Variants in SNX29 observed in about 807,000 individuals in gnomAD.
SNX29 encodes sorting nexin-29.
In SNX29, 78 loss-of-function variants were observed where a neutral mutation model predicts 102.1. The ratio of observed to expected loss-of-function variants is 0.76; its 90% CI spans 0.64 to 0.92. SNX29 has a LOEUF of 0.92. SNX29 is among the 40% of genes least tolerant of loss of function. The pLI is 0.00. For missense variants in SNX29, 1,280 were observed against 1,061.7 expected (o/e 1.21, Z -2.86); for synonymous variants, 580 against 414.5 (o/e 1.40, Z -4.85).
Position 12,132,009 on chromosome 16 carries a change from G to A in SNX29, c.1595+2251G>A, listed in dbSNP as rs149038764. Among the ~76,000 whole-genome samples the A allele has an allele frequency of 2.6e-3, 389 of 152,102 alleles. 1 individual carries two copies. Among genetic ancestry groups the A allele is most frequent in the Non-Finnish European group, 4.0e-3 (273 of 67,998 alleles). On this transcript the variant is annotated intron_variant, in intron 13 of 20. Transcript: ENST00000566228. ...TGCCTGGCCATGCTAGAGTTTTGCCGCATAATTGCATTTAATGTTCACAAT... is the reference window on the plus strand; with the variant it reads ...TGCCTGGCCATGCTAGAGTTTTGCCACATAATTGCATTTAATGTTCACAAT...
intron 20 of SNX29, among the ~76,000 whole-genome samples, chr16:12,526,218 T>C (rs1233590893): frequency 6.6e-6 from 1 of 152,178 alleles, no homozygotes; most frequent in African/African-American, 2.4e-5. Context: ...GTTGTTCTAA[T>C]GGTGTTGCTG....
At chr16:12,450,611 C>G (rs1157832139) in intron 18 of SNX29, among the ~76,000 whole-genome samples, 1 of 152,188 alleles carries the variant, frequency 6.6e-6, no homozygotes, top group Non-Finnish European at 1.5e-5. Context: ...AAGACGGAGG[C>G]TTCCCGGAGA....
chr16:12,358,329 G>A (rs558301559), intron 16 of SNX29, among the ~76,000 whole-genome samples: 1 of 152,260 alleles, frequency 6.6e-6, no homozygotes, highest in Admixed American at 6.5e-5. Context: ...GGCACTTTAG[G>A]CCTCAGAAGA....
At chr16:12,281,323 G>T (rs751469311) in intron 15 of SNX29, among the ~76,000 whole-genome samples, 1 of 152,192 alleles carries the variant, frequency 6.6e-6, no homozygotes, top group Non-Finnish European at 1.5e-5. Flanking sequence ...TTGAGAGCAT[G>T]AAAGCCAACT....
chr16:12,566,389 C>T (rs1598109406), intron 20 of SNX29, among the ~76,000 whole-genome samples: 1 of 147,518 alleles, frequency 6.8e-6, no homozygotes, highest in South Asian at 2.2e-4. Context: ...GCACTGGCCT[C>T]TCCCAGGCAC....
At chr16:12,459,811 T>C (rs976486167) in intron 18 of SNX29, among the ~76,000 whole-genome samples, 4 of 152,156 alleles carry the variant, frequency 2.6e-5, no homozygotes, top group Non-Finnish European at 5.9e-5. Flanking sequence ...TTGCTTTTTT[T>C]GAGATACCCT....
chr16:12,311,475 G>A (rs549122891), intron 15 of SNX29, among the ~76,000 whole-genome samples: 2 of 152,332 alleles, frequency 1.3e-5, no homozygotes, highest in African/African-American at 4.8e-5. Context: ...CTGCTGGCTG[G>A]ACTGCACCAT....
intron 16 of SNX29, among the ~76,000 whole-genome samples, chr16:12,389,018 C>T (rs1171856850): frequency 2.0e-5 from 3 of 152,194 alleles, no homozygotes; most frequent in Admixed American, 6.5e-5. Flanking sequence ...TGATATCTCT[C>T]AGTGCTATTA....
intron 11 of SNX29, among the ~76,000 whole-genome samples, chr16:12,080,169 C>A (rs976721655): frequency 9.2e-5 from 14 of 152,274 alleles, no homozygotes; most frequent in Admixed American, 9.1e-4. Flanking sequence ...CTTGGGCCAG[C>A]ATTCATGTCA....
rs537793510 is a variant in SNX29 at position 12,513,051 on chromosome 16, G to T, written c.2179-11651G>T. 1.2e-3 allele frequency among the ~76,000 whole-genome samples: 178 copies of T among 152,168 alleles called. 1 individual carries two copies. The highest frequency in any genetic ancestry group is 2.6e-3 in the Admixed American group (39 of 15,294). ...TGTGTCCGCAGAGGCTTATGGGAGGGGAGTCCCACCAAGGGTGTCTTTGAC... is the reference window on the plus strand; with the variant it reads ...TGTGTCCGCAGAGGCTTATGGGAGGTGAGTCCCACCAAGGGTGTCTTTGAC... On this transcript the variant is annotated intron_variant, in intron 19 of 20. Transcript: ENST00000566228.
intron 16 of SNX29, among the ~76,000 whole-genome samples, chr16:12,363,762 G>C (rs1191085695): frequency 6.6e-6 from 1 of 152,152 alleles, no homozygotes; most frequent in Non-Finnish European, 1.5e-5. Flanking sequence ...TATAATGCAG[G>C]TTGAGTAGCT....
chr16:12,403,748 C>T (rs35980136), intron 18 of SNX29, among the ~76,000 whole-genome samples: 2 of 152,048 alleles, frequency 1.3e-5, no homozygotes, highest in East Asian at 3.9e-4. Flanking sequence ...CAGTCAGGCT[C>T]TTAGTGTGGC....
chr16:12,425,582 G>C (rs1477966927), intron 18 of SNX29, among the ~76,000 whole-genome samples: 1 of 151,462 alleles, frequency 6.6e-6, no homozygotes, highest in African/African-American at 2.4e-5. Flanking sequence ...AACAGAGGCA[G>C]GGTGGGAAGT....
At chr16:11,987,031 A>T (rs990589742) in intron 1 of SNX29, among the ~76,000 whole-genome samples, 1 of 152,158 alleles carries the variant, frequency 6.6e-6, no homozygotes, top group Non-Finnish European at 1.5e-5. Flanking sequence ...TTCTGGATTT[A>T]ACTCCCTATT....
At chr16:12,331,863 T>G (rs547702763) in intron 15 of SNX29, among the ~76,000 whole-genome samples, 1 of 152,252 alleles carries the variant, frequency 6.6e-6, no homozygotes, top group South Asian at 2.1e-4. Context: ...GAATATTGTT[T>G]TAAGAATTAA....
intron 18 of SNX29, among the ~76,000 whole-genome samples, chr16:12,412,933 G>C (rs1191900810): frequency 1.3e-5 from 2 of 152,202 alleles, no homozygotes; most frequent in Non-Finnish European, 2.9e-5. Context: ...GTGTCTCAGG[G>C]CTACCTGGCT....
chr16:12,572,423 G>A lies in SNX29; in HGVS notation c.*3794G>A, dbSNP rs1463427947. ...AGGCAGGGCTCTGTGGCCCAGGCCG[G>A]CAGTGGCTGCCTCTCTTGGTTCTGC... On this transcript the variant is annotated 3_prime_UTR_variant, in exon 21 of 21. Transcript: ENST00000566228. 2 of 1,062,906 alleles carry A rather than the reference G, an allele frequency of 1.9e-6. No homozygotes were observed. Among genetic ancestry groups the A allele is most frequent in the Non-Finnish European group, 2.3e-6 (2 of 877,790 alleles). 65.8% of individuals were successfully genotyped at this position (1,062,906 alleles called of 1,614,324 possible). A position where few individuals can be genotyped will look rare whatever the true frequency, so the allele number is the denominator to read the frequency against.
At chr16:12,503,907 T>G (rs76109762) in intron 19 of SNX29, among the ~76,000 whole-genome samples, 4,451 of 152,314 alleles carry the variant, frequency 0.029, 135 homozygotes, top group East Asian at 0.11. Flanking sequence ...AAGATAAAAT[T>G]CACACACCAT....
rs1275201818 is a variant in SNX29, at chr16:12,537,981, T to C, written c.2318+13140T>C. Among the ~76,000 whole-genome samples the C allele has an allele frequency of 7.2e-5, 6 of 83,354 alleles. No individual in the cohort carries two copies. In the East Asian group the frequency reaches 2.7e-3, roughly 37 times the overall value. The allele number at this position is 83,354 out of a possible 152,430, so 54.7% of individuals were successfully genotyped here. A position where few individuals can be genotyped will look rare whatever the true frequency, so the allele number is the denominator to read the frequency against. The stretch of plus-strand genomic sequence containing the variant: ...GCCTGGGCAATAGAGCAAAACTCCG[T>C]TTCAAAAAAAAAAAAAAAAAAATTG... On this transcript the variant is annotated intron_variant, in intron 20 of 20. Transcript: ENST00000566228.
Sources: gnomAD v4.1 joint callset for allele counts (sites outside exome capture counted in the v4.1 genomes callset) on GRCh38, gnomAD v4.1.1 for gene constraint, MANE v1.5 for transcripts, NCBI Gene and HGNC (gene_info 2026-07-23, HGNC 2026-07-21) for gene names.